LINGO2: variants seen among roughly 807,000 people sequenced by gnomAD.
LINGO2 encodes the protein leucine rich repeat and Ig domain containing 2.
Under a neutral mutation model 30.6 loss-of-function variants are expected in LINGO2, and 14 were observed. The observed-to-expected ratio is 0.46, with a 90% confidence interval of 0.30 to 0.72. LINGO2 has a LOEUF of 0.72. Among genes scored for constraint, LINGO2 ranks in the 30% least tolerant of loss-of-function variants. The pLI, the probability that LINGO2 is intolerant of heterozygous loss-of-function variation, is 0.07. For synonymous variants in LINGO2, 317 were observed against 288.5 expected, an observed-to-expected ratio of 1.10 and a Z score of -1.00; for missense variants, 729 against 751.7, an observed-to-expected ratio of 0.97 and a Z score of 0.35.
At chr9:28,586,828 C>G (rs757757549) in intron 1 of LINGO2, among the ~76,000 whole-genome samples, 4 of 151,956 alleles carry the variant, frequency 2.6e-5, no homozygotes, top group Non-Finnish European at 5.9e-5. Flanking sequence ...AGACCCCTTG[C>G]TCCTACTCAG....
chr9:28,959,929 T>C, the LINGO2 span, among the ~76,000 whole-genome samples: 1 of 152,100 alleles, frequency 6.6e-6, no homozygotes, highest in Non-Finnish European at 1.5e-5. Context: ...TCAAAGATAA[T>C]AAAATAAATG....
At chr9:28,990,244 G>A in the LINGO2 span, among the ~76,000 whole-genome samples, 3 of 152,176 alleles carry the variant, frequency 2.0e-5, no homozygotes, top group Admixed American at 6.5e-5. Flanking sequence ...ACGGAGTCTC[G>A]CTGACTGCTA....
At chr9:28,458,890 T>C (rs1187394969) in intron 2 of LINGO2, among the ~76,000 whole-genome samples, 2 of 152,154 alleles carry the variant, frequency 1.3e-5, no homozygotes, top group South Asian at 4.1e-4. Flanking sequence ...TACAAAAAGC[T>C]ATGAAGCATA....
intron 4 of LINGO2, among the ~76,000 whole-genome samples, chr9:28,157,675 G>A (rs1422607903): frequency 2.0e-5 from 3 of 152,082 alleles, no homozygotes; most frequent in Non-Finnish European, 4.4e-5. Flanking sequence ...AAAACTGACT[G>A]ACTTTAACAG....
chr9:28,063,963 A>G (rs996831898), intron 4 of LINGO2, among the ~76,000 whole-genome samples: 4 of 152,150 alleles, frequency 2.6e-5, no homozygotes, highest in African/African-American at 7.2e-5. Context: ...TCACACCTCA[A>G]TACATAATAT....
chr9:28,566,311 C>T (rs539219572), intron 1 of LINGO2, among the ~76,000 whole-genome samples: 1 of 152,256 alleles, frequency 6.6e-6, no homozygotes, highest in East Asian at 1.9e-4. Context: ...AATATAGCTA[C>T]ACCTATGCTT....
the LINGO2 span, among the ~76,000 whole-genome samples, chr9:29,091,083 T>C: frequency 6.6e-6 from 1 of 152,106 alleles, no homozygotes; most frequent in African/African-American, 2.4e-5. Context: ...TCTTTTCTAT[T>C]TGTCCAGCCT....
At chr9:28,083,041 C>T (rs760522335) in intron 4 of LINGO2, among the ~76,000 whole-genome samples, 7 of 152,208 alleles carry the variant, frequency 4.6e-5, no homozygotes, top group Non-Finnish European at 1.0e-4. Context: ...GTAACTCCTT[C>T]CTTACTTGCC....
At chr9:27,949,571 C>G in exon 6 of LINGO2, 1 of 1,614,082 alleles carries the variant, frequency 6.2e-7, no homozygotes, top group Non-Finnish European at 8.5e-7. Context: ...GCTGTCGCTG[C>G]AAGATCCAGA....
the LINGO2 span, among the ~76,000 whole-genome samples, chr9:28,938,359 T>A: frequency 6.6e-6 from 1 of 152,238 alleles, no homozygotes; most frequent in South Asian, 2.1e-4. Context: ...TTTCCAAATA[T>A]TTTAAGTTCA....
chr9:27,988,756 T>A (rs1821248720), intron 5 of LINGO2, among the ~76,000 whole-genome samples: 1 of 151,942 alleles, frequency 6.6e-6, no homozygotes, highest in Non-Finnish European at 1.5e-5. Context: ...GCCCACAGAC[T>A]GTTCTTTCTC....
intron 1 of LINGO2, among the ~76,000 whole-genome samples, chr9:28,666,482 C>T (rs1476666797): frequency 6.6e-6 from 1 of 152,088 alleles, no homozygotes; most frequent in Non-Finnish European, 1.5e-5. Flanking sequence ...AAATATTTGA[C>T]ATTAATCTAT....
At chr9:28,545,365 C>T (rs527409911) in intron 1 of LINGO2, among the ~76,000 whole-genome samples, 3 of 152,204 alleles carry the variant, frequency 2.0e-5, no homozygotes, top group African/African-American at 7.2e-5. Flanking sequence ...AAAGACATTT[C>T]TGTTCAATTT....
downstream of LINGO2, among the ~76,000 whole-genome samples, chr9:27,947,789 C>A (rs550098596): frequency 1.8e-3 from 268 of 152,328 alleles, no homozygotes; most frequent in African/African-American, 6.3e-3. Context: ...AGAACTCTTT[C>A]TTATTCAGAG....
chr9:28,105,391 T>C (rs556281879), intron 4 of LINGO2, among the ~76,000 whole-genome samples: 117 of 152,172 alleles, frequency 7.7e-4, no homozygotes, highest in African/African-American at 2.6e-3. Context: ...CAAGAAACAA[T>C]AGTGGTCTAA....
In LINGO2 at chr9:28,574,256, T is replaced by C. The variant is rs138114926; in HGVS notation, c.-365+95944A>G. Among the ~76,000 whole-genome samples, 7 of 152,286 alleles carry C rather than the reference T, an allele frequency of 4.6e-5. No homozygotes were observed. The East Asian group carries it at 1.3e-3, about 29-fold the overall frequency. ...CTACTCCCCAAAATTGTGTGTTAAA[T>C]TTAACATTTGCAATAATTGAATTCC... On this transcript the variant is annotated intron_variant, in intron 1 of 5. Coordinates refer to ENST00000379992, the Ensembl canonical transcript of LINGO2.
At chr9:28,897,576 T>C in the LINGO2 span, among the ~76,000 whole-genome samples, 1 of 152,164 alleles carries the variant, frequency 6.6e-6, no homozygotes, top group South Asian at 2.1e-4. Context: ...TGGTAAAATA[T>C]GTGTATTCTT....
chr9:27,986,172 C>A (rs1821114559), intron 5 of LINGO2, among the ~76,000 whole-genome samples: 1 of 150,564 alleles, frequency 6.6e-6, no homozygotes, highest in Middle Eastern at 3.2e-3. Context: ...AAAAAAAAAA[C>A]AGCCAGAGAA....
chr9:28,609,307 T>A (rs2135778728), intron 1 of LINGO2, among the ~76,000 whole-genome samples: 1 of 151,898 alleles, frequency 6.6e-6, no homozygotes, highest in South Asian at 2.1e-4. Flanking sequence ...ATATGGTGGG[T>A]GAAAACACAC....
Sources: gnomAD v4.1 joint callset for allele counts (sites outside exome capture counted in the v4.1 genomes callset) on GRCh38, gnomAD v4.1.1 for gene constraint, MANE v1.5 for transcripts, NCBI Gene and HGNC (gene_info 2026-07-23, HGNC 2026-07-21) for gene names.